CRY2: variants seen among roughly 807,000 people sequenced by gnomAD.
The protein encoded by CRY2 is cryptochrome-2.
Under a neutral mutation model 69.5 loss-of-function variants are expected in CRY2, and 31 were observed. The observed-to-expected ratio is 0.45, with a 90% confidence interval of 0.34 to 0.60. The LOEUF (loss-of-function observed/expected upper bound fraction) is 0.60, where lower values mean the gene tolerates loss of function less well. Among genes scored for constraint, CRY2 ranks in the 20% least tolerant of loss-of-function variants. The pLI, the probability that CRY2 is intolerant of heterozygous loss-of-function variation, is 0.02. For missense variants in CRY2, 606 were observed against 797.8 expected (o/e 0.76, Z 2.90); for synonymous variants, 303 against 312.2 (o/e 0.97, Z 0.31).
chr11:45,859,265 A>G (rs2086267289), intron 3 of CRY2, among the ~76,000 whole-genome samples: 1 of 152,128 alleles, frequency 6.6e-6, no homozygotes, highest in Admixed American at 6.5e-5. Context: ...ACACAGGTCC[A>G]GTTTTTGTAC....
At chr11:45,858,067 C>G (rs2086256418) in intron 2 of CRY2, among the ~76,000 whole-genome samples, 1 of 152,208 alleles carries the variant, frequency 6.6e-6, no homozygotes, top group African/African-American at 2.4e-5. Flanking sequence ...GGCCAGCTTG[C>G]TATGAGATCT....
intron 11 of CRY2, 32 bp downstream of exon 11, chr11:45,872,265 GA>G (rs944053762): frequency 2.3e-5 from 37 of 1,605,894 alleles, no homozygotes; most frequent in Non-Finnish European, 3.1e-5. Context: ...TCAACCTCAG[GA>G]AGGAAGTTGG....
chr11:45,871,038 A>AT, intron 10 of CRY2, 104 bp downstream of exon 10: 1 of 908,062 alleles, frequency 1.1e-6, no homozygotes, highest in Non-Finnish European at 1.7e-6. Flanking sequence ...TGGAGCTTAT[A>AT]TTCCACCTGG....
At chr11:45,878,135 C>A (rs2086438037) in intron 11 of CRY2, among the ~76,000 whole-genome samples, 1 of 152,202 alleles carries the variant, frequency 6.6e-6, no homozygotes, top group African/African-American at 2.4e-5. Flanking sequence ...TGGGTTACTC[C>A]CCACTTTGGA....
chr11:45,854,312 A>G (rs1010526040), intron 1 of CRY2, among the ~76,000 whole-genome samples: 1 of 152,222 alleles, frequency 6.6e-6, no homozygotes. Context: ...GCTATTAGAG[A>G]ACAGGATTCC....
chr11:45,860,048 G>A (rs1402344197), intron 3 of CRY2, among the ~76,000 whole-genome samples: 4 of 152,176 alleles, frequency 2.6e-5, no homozygotes, highest in African/African-American at 7.2e-5. Context: ...TGGGCCTTGC[G>A]TAAGCTACTT....
At chr11:45,860,383 A>G (rs1236568302) in intron 3 of CRY2, among the ~76,000 whole-genome samples, 1 of 93,602 alleles carries the variant, frequency 1.1e-5, no homozygotes, top group Non-Finnish European at 2.3e-5. Flanking sequence ...ATGATGTTAG[A>G]GTTAAAAAAA....
Position 45,870,897 on chromosome 11 carries a change from G to A in CRY2, c.1605G>A (p.Glu535=). 1 of 1,613,014 alleles carries A rather than the reference G, an allele frequency of 6.2e-7. No homozygotes were observed. The highest frequency in any genetic ancestry group is 1.1e-5 in the South Asian group (1 of 91,060). ...AAGACCTCAGTCACCCTGTGGCAGAGCCCAGCTCGAGCCAGGCTGGCAGCA... is the reference window on the plus strand; with the variant it reads ...AAGACCTCAGTCACCCTGTGGCAGAACCCAGCTCGAGCCAGGCTGGCAGCA... ...CVEDLSHPVA[E]PSSSQAGSMS... Residue 535 remains glutamate (E), a synonymous_variant, in exon 10 of 12, where the codon GAG becomes GAA. Coordinates refer to ENST00000616080, the MANE Select transcript of CRY2 (RefSeq NM_021117.5).
chr11:45,877,209 C>A (rs549213769), intron 11 of CRY2, among the ~76,000 whole-genome samples: 2 of 152,340 alleles, frequency 1.3e-5, no homozygotes, highest in East Asian at 3.9e-4. Context: ...CTCTCTCCCC[C>A]ATCCAGGCCC....
intron 5 of CRY2, among the ~76,000 whole-genome samples, chr11:45,865,271 G>T (rs886400042): frequency 1.3e-5 from 2 of 152,114 alleles, no homozygotes; most frequent in South Asian, 2.1e-4. Flanking sequence ...TGCATATACT[G>T]GGGGGCAGGA....
In CRY2 at chr11:45,881,454, A is replaced by G. The variant is rs1213451991; in HGVS notation, c.*543A>G. The G allele has an allele frequency of 1.3e-5, 2 of 152,574 alleles. No homozygotes were observed. Among genetic ancestry groups the G allele is most frequent in the African/African-American group, 2.4e-5 (1 of 41,448 alleles). 9.5% of individuals were successfully genotyped at this position (152,574 alleles called of 1,614,324 possible). On this transcript the variant is annotated 3_prime_UTR_variant, in exon 12 of 12. Coordinates refer to ENST00000616080, the MANE Select transcript of CRY2 (RefSeq NM_021117.5). ...GGATGGATGCTGTCCAGACGTAGCC[A>G]CCTGGCCTCTGTTTCTTATTTTAAA...
chr11:45,857,661 A>G (rs1372177044), intron 2 of CRY2, among the ~76,000 whole-genome samples: 2 of 152,232 alleles, frequency 1.3e-5, no homozygotes, highest in African/African-American at 2.4e-5. Flanking sequence ...GCTGCAGTGG[A>G]AAAAAGACAA....
intron 11 of CRY2, among the ~76,000 whole-genome samples, chr11:45,873,298 G>A (rs1052591917): frequency 9.9e-5 from 15 of 152,196 alleles, no homozygotes; most frequent in Admixed American, 6.5e-5. Context: ...GGGCCAGGCC[G>A]CAGCCATCTG....
chr11:45,848,250 G>A (rs1352743872), intron 1 of CRY2, among the ~76,000 whole-genome samples: 4 of 152,126 alleles, frequency 2.6e-5, no homozygotes. Context: ...GGTGTCAAGT[G>A]ACCCTGGCTT....
intron 1 of CRY2, among the ~76,000 whole-genome samples, chr11:45,849,622 A>ATTTTT (rs71038866): frequency 1.4e-5 from 2 of 141,124 alleles, no homozygotes; most frequent in Non-Finnish European, 3.1e-5. Flanking sequence ...CCCCAATTCT[A>ATTTTT]TTTTTTTTTT....
chr11:45,857,317 C>T (rs955434872), intron 2 of CRY2, among the ~76,000 whole-genome samples: 5 of 152,166 alleles, frequency 3.3e-5, no homozygotes, highest in African/African-American at 9.7e-5. Context: ...AGGAAACAGT[C>T]ATTGGTTGTG....
intron 8 of CRY2, 49 bp downstream of exon 8, chr11:45,870,253 A>G (rs889401942): frequency 6.2e-7 from 1 of 1,611,148 alleles, no homozygotes; most frequent in Non-Finnish European, 8.5e-7. Context: ...GTGGCCTCCT[A>G]CTAGGATGGG....
rs2086489252 is a variant in CRY2 at position 45,883,062 on chromosome 11, CAGG to C, written c.*2152_*2154del. 4.1e-6 allele frequency: 1 copy of C among 242,920 alleles called. No homozygotes were observed. Among genetic ancestry groups the C allele is most frequent in the Non-Finnish European group, 7.9e-6 (1 of 126,810 alleles). 15.0% of individuals were successfully genotyped at this position (242,920 alleles called of 1,614,324 possible). A position where few individuals can be genotyped will look rare whatever the true frequency, so the allele number is the denominator to read the frequency against. ...GCTTCATGCCTCCCTTCTCCCAGCTCAGGTGGCCCTGAGGGCTCCCTCGGAACA... is the reference window on the plus strand; with the variant it reads ...GCTTCATGCCTCCCTTCTCCCAGCTCTGGCCCTGAGGGCTCCCTCGGAACA... On this transcript the variant is annotated 3_prime_UTR_variant, in exon 12 of 12. Coordinates refer to ENST00000616080, the MANE Select transcript of CRY2 (RefSeq NM_021117.5).
chr11:45,871,471 G>T (rs1565063101), intron 10 of CRY2, among the ~76,000 whole-genome samples: 1 of 152,150 alleles, frequency 6.6e-6, no homozygotes, highest in Non-Finnish European at 1.5e-5. Context: ...GGTCAGTAGG[G>T]CAGGGCATGA....
Sources: allele counts gnomAD v4.1 joint callset (sites outside exome capture counted in the v4.1 genomes callset), GRCh38; gene constraint gnomAD v4.1.1; transcripts MANE v1.5; gene names NCBI Gene and HGNC (gene_info 2026-07-23, HGNC 2026-07-21).